KDM3B: variants seen among roughly 807,000 people sequenced by gnomAD.
The protein encoded by KDM3B is lysine demethylase 3B.
KDM3B carries 10 observed loss-of-function variants against 170.0 expected under a neutral mutation model. The ratio of observed to expected loss-of-function variants is 0.06; its 90% CI spans 0.04 to 0.10. The LOEUF (loss-of-function observed/expected upper bound fraction) is 0.10, where lower values mean the gene tolerates loss of function less well. Among genes scored for constraint, KDM3B ranks in the 10% least tolerant of loss-of-function variants. KDM3B has a pLI of 1.00. For synonymous variants in KDM3B, 831 were observed against 834.8 expected (o/e 1.00, Z 0.08); for missense variants, 1,394 against 2,195.2 (o/e 0.64, Z 7.29).
chr5:138,379,529 A>T (rs1388305196), intron 4 of KDM3B, 55 bp from the exon 5 acceptor site: 5 of 1,532,290 alleles, frequency 3.3e-6, no homozygotes, highest in Non-Finnish European at 4.4e-6. Flanking sequence ...TTTAGGAACA[A>T]TTATGAAATA....
rs779669115 is a variant in KDM3B at position 138,426,957 on chromosome 5, G to T, written c.4412-18G>T. 1 of 1,599,064 alleles carries T rather than the reference G, an allele frequency of 6.3e-7. No individual in the cohort carries two copies. Among genetic ancestry groups the T allele is most frequent in the South Asian group, 1.1e-5 (1 of 90,774 alleles). ...GCCAAACCAGCAGATGTTTGTGGGA[G>T]TATTCTCTGTCTTCCAGAACGACTA... On this transcript the variant is annotated intron_variant, in intron 17 of 23. Coordinates refer to ENST00000314358, the MANE Select transcript of KDM3B (RefSeq NM_016604.4).
chr5:138,427,153 A>G (rs755933795), intron 18 of KDM3B, 36 bp from the exon 19 acceptor site: 6 of 1,607,786 alleles, frequency 3.7e-6, no homozygotes, highest in South Asian at 1.1e-5. Context: ...TTCTTCCCCT[A>G]TAACAAGCTA....
intron 21 of KDM3B, 98 bp from the exon 22 acceptor site, chr5:138,430,151 C>A: frequency 7.1e-7 from 1 of 1,415,800 alleles, no homozygotes; most frequent in Non-Finnish European, 9.6e-7. Context: ...TAAAGTTTTG[C>A]CATCCCCACC....
intron 4 of KDM3B, among the ~76,000 whole-genome samples, chr5:138,378,848 C>T (rs186347479): frequency 4.7e-4 from 70 of 150,064 alleles, no homozygotes; most frequent in Admixed American, 2.5e-3. Context: ...AGAAAAGTTA[C>T]GGAAGCTTAA....
rs145081457 is a variant in KDM3B at position 138,391,311 on chromosome 5, G to A, written c.1679G>A (p.Ser560Asn). 30 of 1,614,112 alleles carry A rather than the reference G, an allele frequency of 1.9e-5. No homozygotes were observed. In the African/African-American group the frequency reaches 3.7e-4, roughly 20 times the overall value. Residue 560 changes from serine to asparagine, a missense_variant, in exon 8 of 24, where the codon AGC becomes AAC. Ser to Asn is a conservative substitution (Grantham distance 46, BLOSUM62 1). Around this residue, in one of 19 missense-constraint regions of KDM3B, gnomAD observed 294 missense variants for 311.7 expected, o/e 0.94. Transcript: ENST00000314358. This position sits in a 1 kb window ranked among gnomAD's most constrained non-coding sequence, Gnocchi z 5.0. Reference protein sequence around the residue: ...DSSSRDSFKQSLESLSSGLCK... With the variant: ...DSSSRDSFKQNLESLSSGLCK... ...TCTAGTCGGGACTCATTCAAACAAA[G>A]CCTTGAGAGCCTGAGCTCAGGCCTG...
intron 20 of KDM3B, among the ~76,000 whole-genome samples, chr5:138,429,102 TTC>T (rs1763468794): frequency 6.6e-6 from 1 of 151,736 alleles, no homozygotes; most frequent in African/African-American, 2.4e-5. Context: ...TTTTTTTCTT[TTC>T]TTTTTTTGTT....
At chr5:138,434,439 T>C (rs891445037) in intron 23 of KDM3B, among the ~76,000 whole-genome samples, 1 of 151,962 alleles carries the variant, frequency 6.6e-6, no homozygotes, top group Non-Finnish European at 1.5e-5. Flanking sequence ...TCCCAGCTAC[T>C]TGGGAGGCTG....
At chr5:138,360,522 TTGTGTGTGTGTGTG>T (rs55976818) in intron 1 of KDM3B, among the ~76,000 whole-genome samples, 16 of 137,898 alleles carry the variant, frequency 1.2e-4, no homozygotes, top group Admixed American at 2.3e-4. Flanking sequence ...TAAAAAAAGA[TTGTGTGTGTGTGTG>T]TGTGTGTGTG....
chr5:138,424,841 T>G (rs1271172733), intron 16 of KDM3B, among the ~76,000 whole-genome samples: 1 of 152,214 alleles, frequency 6.6e-6, no homozygotes, highest in East Asian at 1.9e-4. Flanking sequence ...CTTTGCATCC[T>G]CTTGTTTCTA....
At chr5:138,390,489 A>G (rs1210359761) in intron 7 of KDM3B, among the ~76,000 whole-genome samples, 1 of 152,196 alleles carries the variant, frequency 6.6e-6, no homozygotes, top group African/African-American at 2.4e-5. Flanking sequence ...TAAGGAAAAC[A>G]CTTTTCTTTA....
intron 14 of KDM3B, among the ~76,000 whole-genome samples, chr5:138,419,986 A>G (rs542878216): frequency 6.6e-6 from 1 of 150,448 alleles, no homozygotes; most frequent in Non-Finnish European, 1.5e-5. Flanking sequence ...CCCAGGTTCA[A>G]GTGATTCTCC....
Position 138,381,528 on chromosome 5 carries a change from A to C in KDM3B, c.718A>C (p.Lys240Gln). Residue 240 changes from lysine (K) to glutamine (Q), a missense_variant, in exon 6 of 24, where the codon AAG becomes CAG. Transcript: ENST00000314358. ...CCTCCTACTGTAGAGTGGTGAGATC[A>C]AGTCGGTAGATCCCAGACTAATCCA... ...EVSVTESGEI[K>Q]SVDPRLIHVM... The C allele has an allele frequency of 6.3e-7, 1 of 1,594,616 alleles. No individual in the cohort carries two copies. Among genetic ancestry groups the C allele is most frequent in the Non-Finnish European group, 8.6e-7 (1 of 1,161,940 alleles).
At position 138,407,409 on chromosome 5, in the gene KDM3B, C is replaced by T. The variant is rs543231913; in HGVS notation, c.3199+7397C>T. Among the ~76,000 whole-genome samples the T allele has an allele frequency of 7.2e-5, 11 of 152,214 alleles. 1 individual carries two copies. Among genetic ancestry groups the T allele is most frequent in the East Asian group, 3.9e-4 (2 of 5,180 alleles). ...CTTTACATTAAGAACTTGGTCTTTTCCTCTTGGAAGCCCCCTCTCTCTCAC... is the reference window on the plus strand; with the variant it reads ...CTTTACATTAAGAACTTGGTCTTTTTCTCTTGGAAGCCCCCTCTCTCTCAC... On this transcript the variant is annotated intron_variant, in intron 11 of 23. Transcript: ENST00000314358.
intron 7 of KDM3B, among the ~76,000 whole-genome samples, chr5:138,390,669 A>G (rs1349646136): frequency 2.6e-5 from 4 of 152,224 alleles, no homozygotes; most frequent in African/African-American, 7.2e-5. Context: ...CCTTTTCTCC[A>G]GTTCCTTAGA....
intron 7 of KDM3B, among the ~76,000 whole-genome samples, chr5:138,387,890 G>A (rs2126944667): frequency 6.6e-6 from 1 of 152,190 alleles, no homozygotes. Context: ...GACCATCCTG[G>A]CTAACACGGT....
chr5:138,399,183 C>T (rs928665316), intron 10 of KDM3B, among the ~76,000 whole-genome samples: 3 of 151,768 alleles, frequency 2.0e-5, no homozygotes, highest in African/African-American at 4.8e-5. Flanking sequence ...CCACCGCGCC[C>T]GGCCCTGTAT....
At position 138,420,941 on chromosome 5, in the gene KDM3B, G is replaced by T. The variant is rs144228142; in HGVS notation, c.3951G>T (p.Pro1317=). Reference sequence around the variant, plus strand: ...TGGACACAGGCATACCCTTTCCCCCGGTCTTCTCTACATCCTCAGCAGTAA... The same window carrying T: ...TGGACACAGGCATACCCTTTCCCCCTGTCTTCTCTACATCCTCAGCAGTAA... ...TPLDTGIPFP[P]VFSTSSAGVK... Residue 1317 remains proline, a synonymous_variant, in exon 15 of 24, where the codon CCG becomes CCT. Transcript: ENST00000314358. 3.8e-4 allele frequency: 613 copies of T among 1,613,854 alleles called. 2 individuals are homozygous for T. In the African/African-American group the frequency reaches 7.5e-3, roughly 20 times the overall value.
chr5:138,369,344 T>G (rs952674389), intron 1 of KDM3B, among the ~76,000 whole-genome samples: 1 of 152,208 alleles, frequency 6.6e-6, no homozygotes, highest in Non-Finnish European at 1.5e-5. Context: ...CCCGTACTCC[T>G]ACATTCAGCC....
chr5:138,391,656 C>T lies in KDM3B; in HGVS notation c.2024C>T (p.Pro675Leu). The T allele has an allele frequency of 1.2e-6, 2 of 1,614,102 alleles. No homozygotes were observed. The highest frequency in any genetic ancestry group is 4.5e-5 in the East Asian group (2 of 44,880). Reference protein sequence around the residue: ...TVTSKVAPSWPESHSSADSAS... With the variant: ...TVTSKVAPSWLESHSSADSAS... ...ACCTCCAAGGTGGCACCCAGCTGGCCCGAGTCTCACTCCTCTGCAGATTCG... is the reference window on the plus strand; with the variant it reads ...ACCTCCAAGGTGGCACCCAGCTGGCTCGAGTCTCACTCCTCTGCAGATTCG... Residue 675 changes from proline (P) to leucine (L), a missense_variant, in exon 8 of 24, where the codon CCC (proline) becomes CTC (leucine). By Grantham distance (98) the Pro-to-Leu change is moderately conservative. Transcript: ENST00000314358. This position sits in a 1 kb window ranked among gnomAD's most constrained non-coding sequence, Gnocchi z 5.0.
Sources: gnomAD v4.1 joint callset for allele counts (sites outside exome capture counted in the v4.1 genomes callset) on GRCh38, gnomAD v4.1.1 for gene constraint, gnomAD v4.1.1 regional missense constraint, Gnocchi (gnomAD v3.1) non-coding constraint, MANE v1.5 for transcripts, NCBI Gene and HGNC (gene_info 2026-07-23, HGNC 2026-07-21) for gene names.